Variants in EDNRA observed in about 807,000 individuals in gnomAD.
The protein encoded by EDNRA is endothelin receptor type A.
EDNRA carries 11 observed loss-of-function variants against 41.4 expected under a neutral mutation model. The observed-to-expected ratio is 0.27, with a 90% CI of 0.17 to 0.44. The LOEUF is 0.44. Among genes scored for constraint, EDNRA ranks in the 20% least tolerant of loss-of-function variants. The probability of loss-of-function intolerance (pLI) is 1.00; values close to 1 mark genes in which losing one functional copy is unlikely to be tolerated. For missense variants in EDNRA, 294 were observed against 531.0 expected, an observed-to-expected ratio of 0.55 and a Z score of 4.39; for synonymous variants, 172 against 183.0, an observed-to-expected ratio of 0.94 and a Z score of 0.49.
At chr4:147,510,315 T>G (rs542036686) in intron 2 of EDNRA, among the ~76,000 whole-genome samples, 1 of 152,314 alleles carries the variant, frequency 6.6e-6, no homozygotes, top group South Asian at 2.1e-4. Context: ...ACCTCAAATT[T>G]GTATATTTTT....
chr4:147,541,109 A>G (rs1272852706), intron 7 of EDNRA, among the ~76,000 whole-genome samples: 2 of 151,274 alleles, frequency 1.3e-5, no homozygotes, highest in Non-Finnish European at 2.9e-5. Flanking sequence ...AGGTCTCACT[A>G]AATGCTGTTT....
At chr4:147,493,634 T>C (rs760619022) in intron 2 of EDNRA, 6 of 152,184 alleles carry the variant, frequency 3.9e-5, no homozygotes, top group Admixed American at 6.5e-5. Context: ...TATTCTTAAC[T>C]AGGTCTAGTT....
intron 2 of EDNRA, among the ~76,000 whole-genome samples, chr4:147,496,400 A>T (rs1729300251): frequency 6.6e-6 from 1 of 152,228 alleles, no homozygotes; most frequent in African/African-American, 2.4e-5. Flanking sequence ...AATCTATGAA[A>T]ATTAGGGTTA....
intron 2 of EDNRA, chr4:147,488,078 T>G (rs1342148421): frequency 1.3e-5 from 2 of 152,246 alleles, no homozygotes; most frequent in Admixed American, 1.3e-4. Flanking sequence ...TTCAAACTTA[T>G]GAACTAGTGA....
At position 147,542,580 on chromosome 4, in the gene EDNRA, A is replaced by C; in HGVS notation, c.1246A>C (p.Asn416His). 6.2e-7 allele frequency: 1 copy of C among 1,614,078 alleles called. No homozygotes were observed. The highest frequency in any genetic ancestry group is 8.5e-7 in the Non-Finnish European group (1 of 1,179,986). ...QWKNHDQNNH[N>H]TDRSSHKDSM... is the part of the protein sequence containing the mutation. ...GAAGAACCACGATCAAAACAACCAC[A>C]ACACAGACCGGAGCAGCCATAAGGA... The change falls in exon 8 of 8, where the codon AAC (asparagine) becomes CAC (histidine). Residue 416 changes from asparagine to histidine, a missense_variant. Physicochemically the swap from Asn to His is moderately conservative, Grantham distance 68. Coordinates refer to ENST00000651419, the MANE Select transcript of EDNRA (RefSeq NM_001957.4).
chr4:147,538,589 C>T (rs1442633831), intron 5 of EDNRA, among the ~76,000 whole-genome samples: 1 of 152,156 alleles, frequency 6.6e-6, no homozygotes, highest in Non-Finnish European at 1.5e-5. Context: ...TTTTTCTGGG[C>T]ACACTGTCTT....
intron 2 of EDNRA, chr4:147,494,991 G>A (rs185567049): frequency 3.3e-5 from 5 of 151,980 alleles, no homozygotes; most frequent in African/African-American, 1.2e-4. Context: ...ATCAATGAAG[G>A]GAAAATATGC....
chr4:147,525,295 TTTCAACTATGGACTTG>T (rs1222255571), intron 3 of EDNRA, among the ~76,000 whole-genome samples: 1 of 152,246 alleles, frequency 6.6e-6, no homozygotes, highest in Non-Finnish European at 1.5e-5. Context: ...TCATTGCTAA[TTTCAACTATGGACTTG>T]TCTCAGTTTA....
intron 4 of EDNRA, 99 bp downstream of exon 4, chr4:147,532,803 T>C (rs973964320): frequency 4.0e-6 from 5 of 1,244,132 alleles, no homozygotes; most frequent in East Asian, 4.7e-5. Flanking sequence ...ATGTCAAGTG[T>C]GGTTTCTTCT....
At chr4:147,514,962 C>T (rs995261868) in intron 2 of EDNRA, among the ~76,000 whole-genome samples, 43 of 152,088 alleles carry the variant, frequency 2.8e-4, no homozygotes, top group African/African-American at 1.0e-3. Flanking sequence ...CAGGCCCTGC[C>T]CCAGACCTAC....
intron 2 of EDNRA, among the ~76,000 whole-genome samples, chr4:147,508,773 G>T (rs541069959): frequency 2.6e-5 from 4 of 152,254 alleles, no homozygotes; most frequent in Non-Finnish European, 5.9e-5. Flanking sequence ...ATAAGAGCTT[G>T]TATCTGGACT....
intron 2 of EDNRA, among the ~76,000 whole-genome samples, chr4:147,505,641 C>T (rs1170365587): frequency 1.1e-4 from 15 of 142,210 alleles, no homozygotes; most frequent in African/African-American, 2.1e-4. Context: ...CCTGCCCCGC[C>T]GGCAGTTTTT....
intron 7 of EDNRA, 143 bp from the exon 8 acceptor site, chr4:147,542,335 C>T (rs1484970392): frequency 9.2e-7 from 1 of 1,086,674 alleles, no homozygotes; most frequent in East Asian, 2.5e-5. Context: ...ATAACAGGCT[C>T]TCCACTCTAG....
intron 3 of EDNRA, among the ~76,000 whole-genome samples, chr4:147,523,726 G>A (rs1466797815): frequency 1.3e-5 from 2 of 151,914 alleles, no homozygotes; most frequent in African/African-American, 2.4e-5. Flanking sequence ...TCCTGATCTC[G>A]TGATCCACCC....
intron 5 of EDNRA, 54 bp downstream of exon 5, chr4:147,536,083 C>G: frequency 1.3e-6 from 2 of 1,590,796 alleles, no homozygotes; most frequent in Non-Finnish European, 1.7e-6. Context: ...TCCTTGACAG[C>G]AGCAGGCCTG....
chr4:147,522,130 C>T (rs1730344213), intron 3 of EDNRA, among the ~76,000 whole-genome samples: 1 of 152,026 alleles, frequency 6.6e-6, no homozygotes, highest in Non-Finnish European at 1.5e-5. Context: ...GCTATTTAGC[C>T]ATCTGAGGGA....
At chr4:147,537,491 T>C (rs1236823303) in intron 5 of EDNRA, among the ~76,000 whole-genome samples, 1 of 152,232 alleles carries the variant, frequency 6.6e-6, no homozygotes, top group Non-Finnish European at 1.5e-5. Context: ...TTTTAAAATA[T>C]GGATTTTTGC....
intron 6 of EDNRA, 81 bp from the exon 7 acceptor site, chr4:147,540,296 C>A: frequency 8.5e-7 from 1 of 1,172,182 alleles, no homozygotes; most frequent in Non-Finnish European, 1.2e-6. Context: ...AAGAAAAATG[C>A]TTATTCTAGG....
chr4:147,541,718 G>A (rs975121580), intron 7 of EDNRA, among the ~76,000 whole-genome samples: 2 of 152,172 alleles, frequency 1.3e-5, no homozygotes, highest in Non-Finnish European at 2.9e-5. Flanking sequence ...ATGAAACTCG[G>A]TATGGAAGTT....
Sources: gnomAD v4.1 joint callset for allele counts (sites outside exome capture counted in the v4.1 genomes callset) on GRCh38, gnomAD v4.1.1 for gene constraint, MANE v1.5 for transcripts, NCBI Gene and HGNC (gene_info 2026-07-23, HGNC 2026-07-21) for gene names.